Variants in SFSWAP observed in about 807,000 individuals in gnomAD.
The protein encoded by SFSWAP is splicing factor SWAP.
In SFSWAP, 17 loss-of-function variants were observed where a neutral mutation model predicts 100.7. The observed-to-expected ratio is 0.17, with a 90% CI of 0.12 to 0.25. SFSWAP has a LOEUF of 0.25. Ranked by LOEUF, SFSWAP falls within the 10% of genes least tolerant of loss-of-function variation. SFSWAP has a pLI of 1.00. For missense variants in SFSWAP, 1,005 were observed against 1,262.6 expected (o/e 0.80, Z 3.09); for synonymous variants, 504 against 510.1 (o/e 0.99, Z 0.16).
chr12:131,798,957 G>C, intron 16 of SFSWAP, 80 bp from the exon 17 acceptor site: 1 of 982,160 alleles, frequency 1.0e-6, no homozygotes, highest in Non-Finnish European at 1.6e-6. Flanking sequence ...TTGGGGTTCG[G>C]AGGTGGGGAT....
At chr12:131,742,683 C>A (rs897655) in intron 7 of SFSWAP, among the ~76,000 whole-genome samples, 2,483 of 150,988 alleles carry the variant, frequency 0.016, 33 homozygotes, top group Middle Eastern at 0.068. Context: ...CAACAAAATA[C>A]AGTGTGGTTG....
chr12:131,715,446 G>A (rs1287558782), intron 3 of SFSWAP, among the ~76,000 whole-genome samples: 1 of 152,084 alleles, frequency 6.6e-6, no homozygotes, highest in Non-Finnish European at 1.5e-5. Flanking sequence ...TGCCACCTAG[G>A]GCATATACTT....
At position 131,797,307 on chromosome 12, in the gene SFSWAP, C is replaced by T; in HGVS notation, c.2664C>T (p.His888=). 2 of 1,611,394 alleles carry T rather than the reference C, an allele frequency of 1.2e-6. No individual in the cohort carries two copies. Among genetic ancestry groups the T allele is most frequent in the Non-Finnish European group, 1.7e-6 (2 of 1,178,972 alleles). The change falls in exon 16 of 18, where the codon CAC becomes CAT. Residue 888 remains histidine (H), a synonymous_variant. Coordinates refer to ENST00000261674, the MANE Select transcript of SFSWAP (RefSeq NM_004592.4). ...CGGCCCCCGCGGCCCACTCGGCGCA[C>T]TCAGCCAGCGTCTCCCCTGTGGAGA... ...RPAAPAAHSA[H]SASVSPVESR...
At chr12:131,750,017 G>T (rs958140126) in intron 7 of SFSWAP, among the ~76,000 whole-genome samples, 9 of 152,224 alleles carry the variant, frequency 5.9e-5, no homozygotes, top group African/African-American at 2.2e-4. Flanking sequence ...ACAGAGACCT[G>T]GGGAACAGAA....
At chr12:131,759,661 C>T (rs1421960303) in intron 11 of SFSWAP, among the ~76,000 whole-genome samples, 2 of 151,762 alleles carry the variant, frequency 1.3e-5, no homozygotes, top group African/African-American at 2.4e-5. Flanking sequence ...ATTAGCCGGG[C>T]GTGGTGGCGG....
chr12:131,733,503 A>G lies in SFSWAP; in HGVS notation c.1081+5075A>G, dbSNP rs1353380691. On this transcript the variant is annotated intron_variant, in intron 7 of 17. Transcript: ENST00000261674. This position sits in a 1 kb window ranked among gnomAD's most constrained non-coding sequence, Gnocchi z 5.1. Reference sequence around the variant, plus strand: ...GCACTGCCCCACCGCTCAGAGGGCCACAGGAGCAGGGCTTCCTCCTTGCCT... The same window carrying G: ...GCACTGCCCCACCGCTCAGAGGGCCGCAGGAGCAGGGCTTCCTCCTTGCCT... Among the ~76,000 whole-genome samples the G allele has an allele frequency of 1.3e-5, 2 of 151,920 alleles. No individual in the cohort carries two copies. Among genetic ancestry groups the G allele is most frequent in the Non-Finnish European group, 2.9e-5 (2 of 67,992 alleles).
chr12:131,796,119 C>G (rs1293361182), intron 15 of SFSWAP: 1 of 151,782 alleles, frequency 6.6e-6, no homozygotes, highest in Non-Finnish European at 1.5e-5. Context: ...AAAGACTCTC[C>G]AAGAAACACT....
At position 131,797,249 on chromosome 12, in the gene SFSWAP, T is replaced by C. The variant is rs929948489; in HGVS notation, c.2606T>C (p.Val869Ala). The change falls in exon 16 of 18, where the codon GTG becomes GCG. Residue 869 changes from valine (V) to alanine (A), a missense_variant. Val to Ala is a moderately conservative substitution (Grantham distance 64). Around this residue, in one of 7 missense-constraint regions of SFSWAP, gnomAD observed 295 missense variants for 347.9 expected, o/e 0.85. Transcript: ENST00000261674. ...RTKSKARSQS[V>A]SPSKQAAPRP... ...AAGTCCAAGGCCAGGTCTCAGTCGG[T>C]GTCACCCAGCAAGCAGGCAGCGCCC... The C allele has an allele frequency of 6.2e-7, 1 of 1,612,636 alleles. No individual in the cohort carries two copies.
At position 131,742,528 on chromosome 12, in the gene SFSWAP, G is replaced by T. The variant is rs116461779; in HGVS notation, c.1082-10595G>T. ...TGCCCAAAACGGATTCATTTTGGTA[G>T]TTTCCCAGTTTGACAAATGAGTAAT... On this transcript the variant is annotated intron_variant, in intron 7 of 17. Coordinates refer to ENST00000261674, the MANE Select transcript of SFSWAP (RefSeq NM_004592.4). Among the ~76,000 whole-genome samples the T allele has an allele frequency of 9.2e-3, 1,395 of 151,960 alleles. 25 individuals are homozygous for T. Among genetic ancestry groups the T allele is most frequent in the African/African-American group, 0.032 (1,313 of 41,428 alleles).
chr12:131,798,368 GT>G (rs1885825938), intron 16 of SFSWAP, among the ~76,000 whole-genome samples: 1 of 152,136 alleles, frequency 6.6e-6, no homozygotes, highest in Non-Finnish European at 1.5e-5. Flanking sequence ...CGGGGAGGGG[GT>G]GTTGGCTCCA....
At chr12:131,798,070 G>A (rs562850390) in intron 16 of SFSWAP, among the ~76,000 whole-genome samples, 15 of 152,348 alleles carry the variant, frequency 9.8e-5, no homozygotes, top group South Asian at 8.3e-4. Flanking sequence ...GCTGGGCGCC[G>A]TGGCTCATAC....
intron 3 of SFSWAP, among the ~76,000 whole-genome samples, chr12:131,716,965 CT>C (rs1264627519): frequency 1.3e-5 from 2 of 152,122 alleles, no homozygotes; most frequent in African/African-American, 4.8e-5. Flanking sequence ...TACAATGTTA[CT>C]TCTTTTCTTT....
chr12:131,775,381 C>G (rs9652056), intron 13 of SFSWAP, among the ~76,000 whole-genome samples: 14,297 of 152,204 alleles, frequency 0.094, 946 homozygotes, highest in South Asian at 0.22. Context: ...CACAGGTGCC[C>G]GTGTTGAGGT....
chr12:131,783,351 T>C (rs1278921261), intron 14 of SFSWAP: 1 of 152,182 alleles, frequency 6.6e-6, no homozygotes, highest in African/African-American at 2.4e-5. Flanking sequence ...TAAGTTTATT[T>C]TTAAAACTTT....
At chr12:131,721,539 T>C (rs1430240067) in intron 4 of SFSWAP, among the ~76,000 whole-genome samples, 1 of 152,246 alleles carries the variant, frequency 6.6e-6, no homozygotes, top group Non-Finnish European at 1.5e-5. Context: ...CTCTATTTAA[T>C]GCTAAAAAGT....
At chr12:131,743,701 G>T (rs1456183911) in intron 7 of SFSWAP, among the ~76,000 whole-genome samples, 5 of 152,246 alleles carry the variant, frequency 3.3e-5, no homozygotes, top group Non-Finnish European at 5.9e-5. Flanking sequence ...TCTTCTCACA[G>T]CTGCACTAGG....
chr12:131,714,369 G>C lies in SFSWAP; in HGVS notation c.388+129G>C. Reference sequence around the variant, plus strand: ...TATCTTGACAGTACCCAGTGGATTGGAAAAACAGGAGTCTTTGCGTTCTGA... The same window carrying C: ...TATCTTGACAGTACCCAGTGGATTGCAAAAACAGGAGTCTTTGCGTTCTGA... On this transcript the variant is annotated intron_variant, in intron 2 of 17. Coordinates refer to ENST00000261674, the MANE Select transcript of SFSWAP (RefSeq NM_004592.4). The surrounding 1 kb of genome is among the most constrained non-coding windows in gnomAD (Gnocchi z 6.0). 1.3e-6 allele frequency: 1 copy of C among 749,156 alleles called. No individual in the cohort carries two copies. Among genetic ancestry groups the C allele is most frequent in the Non-Finnish European group, 2.1e-6 (1 of 477,702 alleles). 46.4% of individuals were successfully genotyped at this position (749,156 alleles called of 1,614,324 possible).
At chr12:131,729,520 A>G (rs990070038) in intron 7 of SFSWAP, among the ~76,000 whole-genome samples, 1 of 152,146 alleles carries the variant, frequency 6.6e-6, no homozygotes, top group East Asian at 1.9e-4. Flanking sequence ...AAGAAAGAAA[A>G]AGAGGCTTAC....
chr12:131,751,349 C>T (rs76496457), intron 7 of SFSWAP, among the ~76,000 whole-genome samples: 9,623 of 152,300 alleles, frequency 0.063, 329 homozygotes, highest in Middle Eastern at 0.12. Context: ...CATGTTTGGA[C>T]ACTTTTTAGG....
Sources: allele counts gnomAD v4.1 joint callset (sites outside exome capture counted in the v4.1 genomes callset), GRCh38; gene constraint gnomAD v4.1.1; regional missense constraint gnomAD v4.1.1; non-coding constraint Gnocchi (gnomAD v3.1); transcripts MANE v1.5; gene names NCBI Gene and HGNC (gene_info 2026-07-23, HGNC 2026-07-21).